The following RSRC1 variants were observed in gnomAD, a reference collection of about 807,000 sequenced individuals.
The protein encoded by RSRC1 is serine/Arginine-related protein 53.
In RSRC1, 39 loss-of-function variants were observed where a neutral mutation model predicts 49.1. The observed-to-expected ratio is 0.79, with a 90% CI of 0.61 to 1.04. The LOEUF is 1.04. Ranked by LOEUF, RSRC1 falls within the 50% of genes least tolerant of loss-of-function variation. The pLI is 0.00. For missense variants in RSRC1, 388 were observed against 402.4 expected (o/e 0.96, Z 0.31); for synonymous variants, 143 against 130.8 (o/e 1.09, Z -0.63).
At chr3:158,231,658 A>G (rs371207455) in intron 4 of RSRC1, among the ~76,000 whole-genome samples, 1 of 152,134 alleles carries the variant, frequency 6.6e-6, no homozygotes, top group East Asian at 1.9e-4. Flanking sequence ...TTAAAATTAT[A>G]GTATGCTGCA....
chr3:158,249,458 A>C (rs1724084627), intron 4 of RSRC1, among the ~76,000 whole-genome samples: 1 of 152,186 alleles, frequency 6.6e-6, no homozygotes, highest in Admixed American at 6.5e-5. Context: ...TTTGTTGCTG[A>C]ATAGTATTCT....
chr3:158,522,468 G>T (rs1352223435), intron 7 of RSRC1, among the ~76,000 whole-genome samples: 2 of 152,064 alleles, frequency 1.3e-5, no homozygotes, highest in Non-Finnish European at 2.9e-5. Context: ...GCTGCATCCA[G>T]CTGTACCCTA....
chr3:158,313,746 C>A (rs976868180), intron 5 of RSRC1, among the ~76,000 whole-genome samples: 2 of 152,190 alleles, frequency 1.3e-5, no homozygotes, highest in African/African-American at 2.4e-5. Context: ...AAATGTGTAT[C>A]ATCAGCATTT....
intron 6 of RSRC1, among the ~76,000 whole-genome samples, chr3:158,417,422 G>A (rs1325829725): frequency 6.6e-6 from 1 of 151,848 alleles, no homozygotes; most frequent in African/African-American, 2.4e-5. Context: ...TAGCTTTTAT[G>A]TAGAAATCAG....
At chr3:158,227,669 G>T (rs998529417) in intron 4 of RSRC1, among the ~76,000 whole-genome samples, 1 of 152,008 alleles carries the variant, frequency 6.6e-6, no homozygotes, top group Non-Finnish European at 1.5e-5. Context: ...AAGTTGAAAG[G>T]CTATTTGGAA....
chr3:158,400,702 G>A (rs917306428), intron 6 of RSRC1, among the ~76,000 whole-genome samples: 1 of 152,082 alleles, frequency 6.6e-6, no homozygotes, highest in Non-Finnish European at 1.5e-5. Context: ...ATAAGGATAT[G>A]AAGAAAGAAA....
At position 158,174,588 on chromosome 3, in the gene RSRC1, G is replaced by A. The variant is rs570891158; in HGVS notation, c.321-28484G>A. 4.0e-5 allele frequency among the ~76,000 whole-genome samples: 6 copies of A among 151,714 alleles called. No homozygotes were observed. In the South Asian group the frequency reaches 1.2e-3, roughly 31 times the overall value. ...CTTCTAAATCCATTTAGAAGTTTTG[G>A]CGTTTTTGAACTTTACATAAATGCA... On this transcript the variant is annotated intron_variant, in intron 3 of 9. Coordinates refer to ENST00000611884, the MANE Select transcript of RSRC1 (RefSeq NM_001271838.2).
chr3:158,490,598 G>A (rs1217525754), intron 7 of RSRC1, among the ~76,000 whole-genome samples: 2 of 152,154 alleles, frequency 1.3e-5, no homozygotes, highest in African/African-American at 4.8e-5. Context: ...AATTAAGAAT[G>A]AATTATCAAA....
In RSRC1 at chr3:158,123,896, T is replaced by C; in HGVS notation, c.225T>C (p.Ser75=). ...GGCATCGATCAAGCAGTAGCTCTTC[T>C]TATGGCTCCAGAAGGAAACGAAGTC... is the stretch of plus-strand genomic sequence containing the variant. The part of the protein sequence containing the change: ...RRRHRSSSSS[S]YGSRRKRSRS... The change falls in exon 3 of 10, where the codon TCT becomes TCC. Residue 75 remains serine, a synonymous_variant. Transcript: ENST00000611884. 1 of 1,612,276 alleles carries C rather than the reference T, an allele frequency of 6.2e-7. No homozygotes were observed. Among genetic ancestry groups the C allele is most frequent in the Non-Finnish European group, 8.5e-7 (1 of 1,178,818 alleles).
At chr3:158,378,327 T>C (rs1388867287) in intron 6 of RSRC1, among the ~76,000 whole-genome samples, 1 of 152,248 alleles carries the variant, frequency 6.6e-6, no homozygotes, top group Non-Finnish European at 1.5e-5. Flanking sequence ...TTTCAACATC[T>C]GAGTTCTCTC....
intron 7 of RSRC1, among the ~76,000 whole-genome samples, chr3:158,492,188 A>G (rs927323554): frequency 6.6e-6 from 1 of 152,120 alleles, no homozygotes; most frequent in Non-Finnish European, 1.5e-5. Flanking sequence ...TCACTATTAC[A>G]AGAACAGCAT....
At chr3:158,119,468 A>ATTT (rs1715099196) in intron 1 of RSRC1, among the ~76,000 whole-genome samples, 1 of 152,198 alleles carries the variant, frequency 6.6e-6, no homozygotes, top group African/African-American at 2.4e-5. Context: ...CAAGATAGTA[A>ATTT]AAGCTCATCT....
At chr3:158,428,165 A>T (rs1046560714) in intron 6 of RSRC1, among the ~76,000 whole-genome samples, 4 of 151,530 alleles carry the variant, frequency 2.6e-5, no homozygotes, top group Non-Finnish European at 5.9e-5. Flanking sequence ...TCAAGCCTCT[A>T]CTCTCAGTAT....
At chr3:158,174,492 C>G (rs1719079601) in intron 3 of RSRC1, among the ~76,000 whole-genome samples, 1 of 151,702 alleles carries the variant, frequency 6.6e-6, no homozygotes, top group Non-Finnish European at 1.5e-5. Context: ...TTAAGAATAC[C>G]CTTGAACCCC....
chr3:158,307,049 G>A (rs1727876069), intron 5 of RSRC1, among the ~76,000 whole-genome samples: 1 of 151,576 alleles, frequency 6.6e-6, no homozygotes, highest in Non-Finnish European at 1.5e-5. Flanking sequence ...CAAGTGGAGT[G>A]AGTGGTAAAA....
At chr3:158,134,340 AT>A (rs927256489) in intron 3 of RSRC1, among the ~76,000 whole-genome samples, 4 of 152,026 alleles carry the variant, frequency 2.6e-5, no homozygotes, top group African/African-American at 4.8e-5. Context: ...TAAATTAAAA[AT>A]TTTTTTCTTT....
chr3:158,145,962 T>C (rs1038107020), intron 3 of RSRC1, among the ~76,000 whole-genome samples: 44 of 152,344 alleles, frequency 2.9e-4, no homozygotes, highest in African/African-American at 1.0e-3. Context: ...ATGCTTGTGA[T>C]GTTTGCACAT....
At chr3:158,521,553 C>A (rs1310202150) in intron 7 of RSRC1, among the ~76,000 whole-genome samples, 1 of 152,100 alleles carries the variant, frequency 6.6e-6, no homozygotes, top group Non-Finnish European at 1.5e-5. Flanking sequence ...TTAGTATACA[C>A]CATATCTTTA....
At chr3:158,410,113 T>C (rs1734375240) in intron 6 of RSRC1, among the ~76,000 whole-genome samples, 2 of 152,160 alleles carry the variant, frequency 1.3e-5, no homozygotes, top group Admixed American at 1.3e-4. Context: ...GTTACTATTT[T>C]TTAAAAAAAG....
Sources: allele counts gnomAD v4.1 joint callset (sites outside exome capture counted in the v4.1 genomes callset), GRCh38; gene constraint gnomAD v4.1.1; transcripts MANE v1.5; gene names NCBI Gene and HGNC (gene_info 2026-07-23, HGNC 2026-07-21).